The following GALNT13 variants were observed in gnomAD, a reference collection of about 807,000 sequenced individuals.
The protein encoded by GALNT13 is polypeptide N-acetylgalactosaminyltransferase 13, also known as UDP-GalNAc:polypeptide N-acetylgalactosaminyltransferase 13.
GALNT13 carries 28 observed loss-of-function variants against 64.2 expected under a neutral mutation model. That is an observed-to-expected ratio of 0.44 (90% CI 0.32 to 0.60). GALNT13 has a LOEUF of 0.60. GALNT13 is among the 20% of genes least tolerant of loss of function. GALNT13 has a pLI of 0.05. For synonymous variants in GALNT13, 214 were observed against 224.6 expected (o/e 0.95, Z 0.42); for missense variants, 577 against 669.8 (o/e 0.86, Z 1.53).
chr2:153,138,876 T>G, the GALNT13 span, among the ~76,000 whole-genome samples: 2 of 152,052 alleles, frequency 1.3e-5, no homozygotes, highest in Non-Finnish European at 1.5e-5. Context: ...TTAATATGAA[T>G]AGTGGTGCAG....
chr2:153,664,067 G>A, the GALNT13 span, among the ~76,000 whole-genome samples: 12 of 152,262 alleles, frequency 7.9e-5, no homozygotes, highest in Admixed American at 1.3e-4. Context: ...CGCTGGGCAC[G>A]TATTGTCTTG....
At chr2:153,935,598 T>C (rs1690850652) in intron 2 of GALNT13, among the ~76,000 whole-genome samples, 1 of 152,184 alleles carries the variant, frequency 6.6e-6, no homozygotes, top group Non-Finnish European at 1.5e-5. Flanking sequence ...AGGGTATCTT[T>C]TTGGGAGCAG....
the GALNT13 span, among the ~76,000 whole-genome samples, chr2:153,145,974 G>T: frequency 6.6e-6 from 1 of 151,760 alleles, no homozygotes; most frequent in African/African-American, 2.4e-5. Flanking sequence ...AGAATGTGAG[G>T]TGTATTTAGC....
chr2:153,952,242 G>A (rs773433271), intron 3 of GALNT13, among the ~76,000 whole-genome samples: 3 of 152,122 alleles, frequency 2.0e-5, no homozygotes, highest in Non-Finnish European at 4.4e-5. Context: ...GAAATTTGAG[G>A]GCATGTGGTA....
chr2:153,567,050 T>G, the GALNT13 span, among the ~76,000 whole-genome samples: 1 of 152,202 alleles, frequency 6.6e-6, no homozygotes, highest in Non-Finnish European at 1.5e-5. Context: ...CTCTTCTTAT[T>G]GGTTGACTCT....
the GALNT13 span, among the ~76,000 whole-genome samples, chr2:153,723,675 G>T: frequency 6.6e-6 from 1 of 152,022 alleles, no homozygotes; most frequent in African/African-American, 2.4e-5. Context: ...CAAACAGAGA[G>T]CCAAATCATG....
chr2:153,505,122 C>T, the GALNT13 span, among the ~76,000 whole-genome samples: 452 of 152,194 alleles, frequency 3.0e-3, 17 homozygotes, highest in East Asian at 0.082. Context: ...TTGTATATTT[C>T]CAGGAATCTG....
chr2:153,683,823 G>A, the GALNT13 span, among the ~76,000 whole-genome samples: 7 of 151,618 alleles, frequency 4.6e-5, no homozygotes, highest in Non-Finnish European at 8.9e-5. Context: ...TCTAGGATCT[G>A]TCTAGCTTCA....
At chr2:154,110,668 G>A (rs1466125755) in intron 3 of GALNT13, among the ~76,000 whole-genome samples, 1 of 151,640 alleles carries the variant, frequency 6.6e-6, no homozygotes, top group African/African-American at 2.4e-5. Context: ...ATTAAGGGTG[G>A]GTCTGCCTTC....
chr2:153,550,517 G>A, the GALNT13 span, among the ~76,000 whole-genome samples: 1 of 152,090 alleles, frequency 6.6e-6, no homozygotes, highest in Non-Finnish European at 1.5e-5. Flanking sequence ...ATAGACTAGA[G>A]CCACCGTGCC....
At chr2:154,344,630 G>A (rs1658618712) in intron 9 of GALNT13, among the ~76,000 whole-genome samples, 1 of 151,884 alleles carries the variant, frequency 6.6e-6, no homozygotes, top group Non-Finnish European at 1.5e-5. Context: ...AAGAAATTGT[G>A]GAGAAACAAG....
At chr2:153,575,004 CCTT>C in the GALNT13 span, among the ~76,000 whole-genome samples, 1 of 152,060 alleles carries the variant, frequency 6.6e-6, no homozygotes, top group Admixed American at 6.6e-5. Context: ...ATGTACCTGT[CCTT>C]CTTGGGAAAG....
intron 3 of GALNT13, among the ~76,000 whole-genome samples, chr2:154,136,336 C>G (rs1188016264): frequency 6.6e-6 from 1 of 152,082 alleles, no homozygotes; most frequent in Non-Finnish European, 1.5e-5. Flanking sequence ...ACTATGTTCT[C>G]TAACAGAATA....
chr2:153,512,746 T>G, the GALNT13 span, among the ~76,000 whole-genome samples: 1 of 152,112 alleles, frequency 6.6e-6, no homozygotes, highest in African/African-American at 2.4e-5. Flanking sequence ...ATTTTTAATT[T>G]GCTTTTGAGG....
In GALNT13 at chr2:154,261,408, C is replaced by A. The variant is rs1019723117; in HGVS notation, c.975+2270C>A. On this transcript the variant is annotated intron_variant, in intron 8 of 12. Coordinates refer to ENST00000392825, the MANE Select transcript of GALNT13 (RefSeq NM_052917.4). ...AGACTCTTAATTTATGTTTTACTTT[C>A]TTCTCTGTGACATGAATATGTTTGC... Among the ~76,000 whole-genome samples, 6 of 152,110 alleles carry A rather than the reference C, an allele frequency of 3.9e-5. No homozygotes were observed. The East Asian group carries it at 9.6e-4, about 24-fold the overall frequency.
chr2:153,436,894 T>C, the GALNT13 span, among the ~76,000 whole-genome samples: 1 of 152,214 alleles, frequency 6.6e-6, no homozygotes, highest in African/African-American at 2.4e-5. Context: ...CTCTTGCTTC[T>C]GTAGTTCTTT....
the GALNT13 span, among the ~76,000 whole-genome samples, chr2:153,263,516 C>G: frequency 2.0e-5 from 3 of 152,082 alleles, no homozygotes; most frequent in Non-Finnish European, 4.4e-5. Context: ...AAGAACAAAG[C>G]TAGAGGCATC....
At chr2:153,903,005 T>C (rs1688333414) in intron 2 of GALNT13, among the ~76,000 whole-genome samples, 2 of 152,084 alleles carry the variant, frequency 1.3e-5, no homozygotes, top group African/African-American at 4.8e-5. Flanking sequence ...GAGAAACATA[T>C]TTTGTTTACA....
At chr2:153,166,621 ATGTGTGTGTGTGTGTGTGTGTG>A in the GALNT13 span, among the ~76,000 whole-genome samples, 7 of 122,662 alleles carry the variant, frequency 5.7e-5, no homozygotes, top group South Asian at 3.2e-4. Flanking sequence ...TGCCTACTGC[ATGTGTGTGTGTGTGTGTGTGTG>A]TGTGTGTGTG....
Sources: gnomAD v4.1 joint callset for allele counts (sites outside exome capture counted in the v4.1 genomes callset) on GRCh38, gnomAD v4.1.1 for gene constraint, MANE v1.5 for transcripts, NCBI Gene and HGNC (gene_info 2026-07-23, HGNC 2026-07-21) for gene names.